The following SMAD1 variants were observed in gnomAD, a reference collection of about 807,000 sequenced individuals.
SMAD1 encodes the protein MAD, mothers against decapentaplegic homolog 1.
Under a neutral mutation model 41.6 loss-of-function variants are expected in SMAD1, and 6 were observed. That is an observed-to-expected ratio of 0.14 (90% CI 0.08 to 0.28). The LOEUF (loss-of-function observed/expected upper bound fraction) is 0.28, where lower values mean the gene tolerates loss of function less well. Among genes scored for constraint, SMAD1 ranks in the 10% least tolerant of loss-of-function variants. The pLI, the probability that SMAD1 is intolerant of heterozygous loss-of-function variation, is 1.00. For missense variants in SMAD1, 379 were observed against 582.6 expected, an observed-to-expected ratio of 0.65 and a Z score of 3.60; for synonymous variants, 206 against 203.2, an observed-to-expected ratio of 1.01 and a Z score of -0.12.
In SMAD1 at chr4:145,539,970, T is replaced by A; in HGVS notation, c.567T>A (p.Asn189Lys). The A allele has an allele frequency of 6.2e-7, 1 of 1,613,942 alleles. No homozygotes were observed. Among genetic ancestry groups the A allele is most frequent in the Non-Finnish European group, 8.5e-7 (1 of 1,179,948 alleles). Residue 189 changes from asparagine (N) to lysine (K), a missense_variant, in exon 3 of 7, where the codon AAT becomes AAA. Asn to Lys is a moderately conservative substitution (Grantham distance 94). Around this residue, in one of 3 missense-constraint regions of SMAD1, gnomAD observed 208 missense variants for 210.5 expected, o/e 0.99. Transcript: ENST00000302085. ...PNSHPFPHSP[N>K]SSYPNSPGSS... ...GCCACCCGTTTCCTCACTCTCCCAA[T>A]AGCAGTTACCCAAACTCTCCTGGGA...
intron 1 of SMAD1, among the ~76,000 whole-genome samples, chr4:145,509,842 A>G (rs1050328323): frequency 4.6e-5 from 7 of 152,198 alleles, no homozygotes; most frequent in Non-Finnish European, 1.0e-4. Flanking sequence ...GAACTCTTTA[A>G]AAAGGAAAAC....
chr4:145,493,333 C>T (rs1008240479), intron 1 of SMAD1, among the ~76,000 whole-genome samples: 8 of 152,178 alleles, frequency 5.3e-5, no homozygotes, highest in South Asian at 2.1e-4. Context: ...CAGCTGGTTG[C>T]GTATAGCTTG....
chr4:145,538,005 A>G (rs1731709735), intron 2 of SMAD1, among the ~76,000 whole-genome samples: 1 of 152,184 alleles, frequency 6.6e-6, no homozygotes, highest in Non-Finnish European at 1.5e-5. Context: ...GATAGAGGAC[A>G]TGAAGGATTG....
intron 1 of SMAD1, among the ~76,000 whole-genome samples, chr4:145,492,444 G>T (rs185137633): frequency 1.7e-3 from 263 of 152,312 alleles, no homozygotes; most frequent in African/African-American, 5.9e-3. Context: ...ATATTAAAAA[G>T]GATACAGATG....
intron 1 of SMAD1, among the ~76,000 whole-genome samples, chr4:145,486,357 TAGG>T (rs1292306817): frequency 9.2e-5 from 14 of 152,208 alleles, no homozygotes; most frequent in Admixed American, 4.6e-4. Flanking sequence ...GATATTAAGT[TAGG>T]AGGAAAGTTG....
At chr4:145,526,463 A>G (rs1731023065) in intron 2 of SMAD1, among the ~76,000 whole-genome samples, 1 of 152,230 alleles carries the variant, frequency 6.6e-6, no homozygotes, top group African/African-American at 2.4e-5. Flanking sequence ...AAAGTTGTGG[A>G]TAAATGTCTA....
At chr4:145,519,664 A>AAAAAAAAG (rs1553946485) in intron 2 of SMAD1, among the ~76,000 whole-genome samples, 1 of 148,444 alleles carries the variant, frequency 6.7e-6, no homozygotes. Flanking sequence ...AAAAAAAAAA[A>AAAAAAAAG]AACCCACTTT....
At chr4:145,488,176 TA>T (rs1398033415) in intron 1 of SMAD1, among the ~76,000 whole-genome samples, 4 of 152,130 alleles carry the variant, frequency 2.6e-5, no homozygotes, top group Non-Finnish European at 4.4e-5. Context: ...TCTTAACAAA[TA>T]TTTTTTTTGA....
intron 6 of SMAD1, among the ~76,000 whole-genome samples, chr4:145,556,404 A>G (rs967821416): frequency 2.0e-5 from 3 of 152,102 alleles, no homozygotes; most frequent in Admixed American, 2.0e-4. Flanking sequence ...ATATATATCT[A>G]CATAGATGTA....
upstream of SMAD1, chr4:145,481,450 G>A (rs1232484912): frequency 1.3e-5 from 2 of 152,216 alleles, no homozygotes; most frequent in African/African-American, 4.8e-5. Flanking sequence ...AGTGGGCGCG[G>A]TGGAAGCGTT....
chr4:145,491,327 A>G (rs2126939324), intron 1 of SMAD1, among the ~76,000 whole-genome samples: 1 of 152,324 alleles, frequency 6.6e-6, no homozygotes, highest in Middle Eastern at 3.4e-3. Flanking sequence ...GCTACTCTGG[A>G]GGCTGAGGCA....
chr4:145,500,477 AT>A (rs1479679531), intron 1 of SMAD1, among the ~76,000 whole-genome samples: 1 of 151,966 alleles, frequency 6.6e-6, no homozygotes, highest in Non-Finnish European at 1.5e-5. Context: ...GGCTTTTGCA[AT>A]TGCCCTTCTC....
chr4:145,487,257 C>T (rs1006577376), intron 1 of SMAD1, among the ~76,000 whole-genome samples: 5 of 152,060 alleles, frequency 3.3e-5, no homozygotes, highest in African/African-American at 1.2e-4. Flanking sequence ...AATCACATTC[C>T]TAACCAAAAG....
chr4:145,510,746 AT>A (rs1730030364), intron 1 of SMAD1, among the ~76,000 whole-genome samples: 1 of 151,972 alleles, frequency 6.6e-6, no homozygotes, highest in African/African-American at 2.4e-5. Flanking sequence ...TTTTTAAACA[AT>A]TTTTTTCTGT....
chr4:145,520,265 C>G (rs945850396), intron 2 of SMAD1, among the ~76,000 whole-genome samples: 1 of 152,190 alleles, frequency 6.6e-6, no homozygotes, highest in Non-Finnish European at 1.5e-5. Flanking sequence ...GTCTGCACTA[C>G]TAAGTTCACT....
intron 1 of SMAD1, among the ~76,000 whole-genome samples, chr4:145,491,878 A>G (rs1283285443): frequency 6.6e-6 from 1 of 152,178 alleles, no homozygotes; most frequent in African/African-American, 2.4e-5. Context: ...ATTAGATTTT[A>G]TAGTGGCATT....
chr4:145,515,139 T>A, intron 2 of SMAD1, 126 bp downstream of exon 2: 2 of 503,144 alleles, frequency 4.0e-6, no homozygotes, highest in Non-Finnish European at 6.5e-6. Context: ...GGAAACTGTG[T>A]GTGTGTGTGT....
At chr4:145,495,688 T>C (rs568853899) in intron 1 of SMAD1, among the ~76,000 whole-genome samples, 1 of 150,334 alleles carries the variant, frequency 6.7e-6, no homozygotes, top group South Asian at 2.1e-4. Context: ...TGATCACAGC[T>C]GATTGTAACT....
At chr4:145,533,122 C>T (rs1339573850) in intron 2 of SMAD1, among the ~76,000 whole-genome samples, 1 of 152,214 alleles carries the variant, frequency 6.6e-6, no homozygotes, top group Non-Finnish European at 1.5e-5. Flanking sequence ...TTTAGAGCAG[C>T]ACGTGTGTGT....
Sources: gnomAD v4.1 joint callset for allele counts (sites outside exome capture counted in the v4.1 genomes callset) on GRCh38, gnomAD v4.1.1 for gene constraint, gnomAD v4.1.1 regional missense constraint, MANE v1.5 for transcripts, NCBI Gene and HGNC (gene_info 2026-07-23, HGNC 2026-07-21) for gene names.